EEA1: variants seen among roughly 807,000 people sequenced by gnomAD.
EEA1 encodes the protein early endosome antigen 1, 162kD.
Under a neutral mutation model 209.2 loss-of-function variants are expected in EEA1, and 111 were observed. The ratio of observed to expected loss-of-function variants is 0.53; its 90% CI spans 0.45 to 0.62. EEA1 has a LOEUF of 0.62. EEA1 is among the 20% of genes least tolerant of loss of function. The probability of loss-of-function intolerance (pLI) is 0.00; values close to 1 mark genes in which losing one functional copy is unlikely to be tolerated. For missense variants in EEA1, 1,343 were observed against 1,530.8 expected (o/e 0.88, Z 2.05); for synonymous variants, 536 against 540.6 (o/e 0.99, Z 0.12).
At chr12:92,866,653 C>T (rs1783660872) in intron 2 of EEA1, among the ~76,000 whole-genome samples, 1 of 152,176 alleles carries the variant, frequency 6.6e-6, no homozygotes, top group Non-Finnish European at 1.5e-5. Flanking sequence ...ATGGTTTTAG[C>T]TATCACTGAC....
intron 11 of EEA1, among the ~76,000 whole-genome samples, 167 bp from the exon 12 acceptor site, chr12:92,828,228 G>T (rs1320371322): frequency 1.3e-5 from 2 of 152,092 alleles, no homozygotes; most frequent in Non-Finnish European, 2.9e-5. Flanking sequence ...AACTGCAACT[G>T]AATTTTAATC....
Position 92,878,612 on chromosome 12 carries a change from T to G in EEA1, c.117+13017A>C, listed in dbSNP as rs150704710. Among the ~76,000 whole-genome samples, 399 of 152,038 alleles carry G rather than the reference T, an allele frequency of 2.6e-3. 4 individuals are homozygous for G. The East Asian group carries it at 0.042, about 16-fold the overall frequency. On this transcript the variant is annotated intron_variant, in intron 2 of 28. Coordinates refer to ENST00000322349, the MANE Select transcript of EEA1 (RefSeq NM_003566.4). The stretch of plus-strand genomic sequence containing the variant: ...GAATCTAGAAAAAAGATGAGCAAAC[T>G]AAATCCAAAGTAAGTAGATGGAGGA...
At chr12:92,843,089 C>T (rs1877238239) in intron 9 of EEA1, among the ~76,000 whole-genome samples, 1 of 152,164 alleles carries the variant, frequency 6.6e-6, no homozygotes, top group Non-Finnish European at 1.5e-5. Context: ...TTATACACAG[C>T]TTCCTTAAGC....
At chr12:92,858,610 T>TTATG (rs1417423887) in intron 3 of EEA1, 15 of 736,472 alleles carry the variant, frequency 2.0e-5, no homozygotes, top group African/African-American at 1.9e-4. Flanking sequence ...TTTGCCTGGG[T>TTATG]TATGCCCTGA....
chr12:92,876,587 C>G (rs1366036214), intron 2 of EEA1, among the ~76,000 whole-genome samples: 1 of 152,064 alleles, frequency 6.6e-6, no homozygotes, highest in Non-Finnish European at 1.5e-5. Flanking sequence ...ACTTCTCATA[C>G]TCTAGAACTA....
chr12:92,883,821 C>G, intron 2 of EEA1: 1 of 1,595,758 alleles, frequency 6.3e-7, no homozygotes, highest in Non-Finnish European at 8.6e-7. Context: ...TGAGGAAGCT[C>G]TTCATTGGAG....
At chr12:92,915,415 G>A (rs773812744) in intron 1 of EEA1, among the ~76,000 whole-genome samples, 2 of 152,218 alleles carry the variant, frequency 1.3e-5, no homozygotes, top group Non-Finnish European at 2.9e-5. Context: ...GTTGCAGTGA[G>A]CCGTGATCAT....
chr12:92,862,612 T>C (rs1878202676), intron 3 of EEA1, among the ~76,000 whole-genome samples: 2 of 151,866 alleles, frequency 1.3e-5, no homozygotes, highest in Non-Finnish European at 2.9e-5. Context: ...AAGAATATTA[T>C]TCTGGCAGCA....
intron 1 of EEA1, among the ~76,000 whole-genome samples, chr12:92,911,617 A>T (rs1180504681): frequency 6.6e-6 from 1 of 152,214 alleles, no homozygotes; most frequent in African/African-American, 2.4e-5. Context: ...AGTGAACCCT[A>T]CTGTAAACTG....
intron 10 of EEA1, among the ~76,000 whole-genome samples, chr12:92,841,553 A>T (rs1278670719): frequency 6.6e-6 from 1 of 152,198 alleles, no homozygotes; most frequent in East Asian, 1.9e-4. Context: ...AGAATATATA[A>T]AGAACTCCTA....
intron 11 of EEA1, among the ~76,000 whole-genome samples, chr12:92,828,798 C>T (rs1293902661): frequency 6.6e-6 from 1 of 152,056 alleles, no homozygotes; most frequent in Non-Finnish European, 1.5e-5. Flanking sequence ...TTCGCTCTCA[C>T]TAATCCCTCT....
In EEA1 at chr12:92,885,889, C is replaced by T. The variant is rs1244661310; in HGVS notation, c.117+5740G>A. Among the ~76,000 whole-genome samples the T allele has an allele frequency of 2.6e-5, 4 of 152,114 alleles. 1 individual carries two copies. Among genetic ancestry groups the T allele is most frequent in the South Asian group, 4.1e-4 (2 of 4,830 alleles). ...TAATACATAATGCTGAGCAAATCCTCGCTGCAAGAACATCGACATAGCCCA... is the reference window on the plus strand; with the variant it reads ...TAATACATAATGCTGAGCAAATCCTTGCTGCAAGAACATCGACATAGCCCA... On this transcript the variant is annotated intron_variant, in intron 2 of 28. Coordinates refer to ENST00000322349, the MANE Select transcript of EEA1 (RefSeq NM_003566.4).
At chr12:92,902,471 G>A (rs904004301) in intron 1 of EEA1, among the ~76,000 whole-genome samples, 2 of 152,158 alleles carry the variant, frequency 1.3e-5, no homozygotes, top group Non-Finnish European at 1.5e-5. Flanking sequence ...GGCCGGGTGC[G>A]ATGGCTCACG....
chr12:92,819,489 C>G lies in EEA1; in HGVS notation c.1547G>C (p.Arg516Pro), dbSNP rs189472964. ...CTTTTGGTCCTTATCGCCAATTTGA[C>G]GTAGAACTTGTTCCAAATCATTCTG... Reference protein sequence around the residue: ...EAQNDLEQVLRQIGDKDQKIQ... With the variant: ...EAQNDLEQVLPQIGDKDQKIQ... The change falls in exon 14 of 29, where the codon CGT becomes CCT. Residue 516 changes from arginine to proline, a missense_variant. Physicochemically the swap from Arg to Pro is moderately radical, Grantham distance 103. This residue lies in a region of EEA1 where 1,307 missense variants were observed against 1,465.5 expected (regional missense o/e 0.89). Transcript: ENST00000322349. 4 of 1,603,434 alleles carry G rather than the reference C, an allele frequency of 2.5e-6. No individual in the cohort carries two copies. Among genetic ancestry groups the G allele is most frequent in the Non-Finnish European group, 3.4e-6 (4 of 1,175,814 alleles).
chr12:92,881,664 T>C (rs1565848341), intron 2 of EEA1, among the ~76,000 whole-genome samples: 1 of 152,062 alleles, frequency 6.6e-6, no homozygotes. Context: ...AGACAGGCCA[T>C]TAGTGAGTAG....
At chr12:92,812,282 T>C (rs148927043) in intron 16 of EEA1, among the ~76,000 whole-genome samples, 2,513 of 151,626 alleles carry the variant, frequency 0.017, 42 homozygotes, top group South Asian at 0.094. Context: ...TGAGCCAAGA[T>C]TACACCATTG....
At chr12:92,827,440 T>A (rs1032263782) in intron 12 of EEA1, among the ~76,000 whole-genome samples, 1 of 152,222 alleles carries the variant, frequency 6.6e-6, no homozygotes, top group Non-Finnish European at 1.5e-5. Flanking sequence ...TTAATAACTT[T>A]TACTTTATAT....
At chr12:92,819,654 T>C (rs1431561207) in intron 13 of EEA1, 143 bp from the exon 14 acceptor site, 6 of 532,502 alleles carry the variant, frequency 1.1e-5, no homozygotes, top group Non-Finnish European at 1.9e-5. Context: ...ATATGGTAAA[T>C]TTAGTTAAGT....
intron 1 of EEA1, among the ~76,000 whole-genome samples, chr12:92,914,855 G>C (rs1472018404): frequency 6.6e-6 from 1 of 151,866 alleles, no homozygotes; most frequent in African/African-American, 2.4e-5. Flanking sequence ...GTACAGATGG[G>C]GTTTTGCCAC....
Sources: allele counts gnomAD v4.1 joint callset (sites outside exome capture counted in the v4.1 genomes callset), GRCh38; gene constraint gnomAD v4.1.1; regional missense constraint gnomAD v4.1.1; transcripts MANE v1.5; gene names NCBI Gene and HGNC (gene_info 2026-07-23, HGNC 2026-07-21).